Variants in PCDHGB4 observed in about 807,000 individuals in gnomAD.
The protein encoded by PCDHGB4 is protocadherin gamma subfamily B, 4.
PCDHGB4 carries 38 observed loss-of-function variants against 60.5 expected under a neutral mutation model. The ratio of observed to expected loss-of-function variants is 0.63; its 90% CI spans 0.48 to 0.82. PCDHGB4 has a LOEUF of 0.82. PCDHGB4 is among the 40% of genes least tolerant of loss of function. The pLI is 0.00. For missense variants in PCDHGB4, 1,109 were observed against 1,209.6 expected (o/e 0.92, Z 1.23); for synonymous variants, 456 against 509.7 (o/e 0.89, Z 1.42).
chr5:141,423,503 C>T (rs1225012888), intron 1 of PCDHGB4: 2 of 1,613,984 alleles, frequency 1.2e-6, no homozygotes, highest in South Asian at 2.2e-5. Context: ...CACGAGGTCT[C>T]TCTCATTGCG....
rs1275819200 is a variant in PCDHGB4, at chr5:141,491,620, A to G, written c.2398-3187A>G. 5 of 1,613,788 alleles carry G rather than the reference A, an allele frequency of 3.1e-6. No individual in the cohort carries two copies. Among genetic ancestry groups the G allele is most frequent in the Non-Finnish European group, 4.2e-6 (5 of 1,180,014 alleles). On this transcript the variant is annotated intron_variant, in intron 1 of 3. Coordinates refer to ENST00000519479, the MANE Select transcript of PCDHGB4 (RefSeq NM_003736.4). The surrounding 1 kb of genome is among the most constrained non-coding windows in gnomAD (Gnocchi z 6.9). ...TGACTTCACTTTTCTAAGACCCCTC[A>G]GCGTTCAGCAGCCCACAGCTCTGGC...
Position 141,487,810 on chromosome 5 carries a change from C to T in PCDHGB4, c.2398-6997C>T. 7.1e-7 allele frequency: 1 copy of T among 1,417,854 alleles called. No homozygotes were observed. 87.8% of individuals were successfully genotyped at this position (1,417,854 alleles called of 1,614,324 possible). ...ATTAACCAGAGTTGTCACAGTTTAG[C>T]ATTGGGGGCGGGTCATGCCTATATC... is the stretch of plus-strand genomic sequence containing the variant. On this transcript the variant is annotated intron_variant, in intron 1 of 3. Coordinates refer to ENST00000519479, the MANE Select transcript of PCDHGB4 (RefSeq NM_003736.4). This position sits in a 1 kb window ranked among gnomAD's most constrained non-coding sequence, Gnocchi z 5.0.
Position 141,490,220 on chromosome 5 carries a change from A to G in PCDHGB4, c.2398-4587A>G. 6.2e-7 allele frequency: 1 copy of G among 1,614,252 alleles called. No individual in the cohort carries two copies. Among genetic ancestry groups the G allele is most frequent in the Non-Finnish European group, 8.5e-7 (1 of 1,180,044 alleles). On this transcript the variant is annotated intron_variant, in intron 1 of 3. Coordinates refer to ENST00000519479, the MANE Select transcript of PCDHGB4 (RefSeq NM_003736.4). This position sits in a 1 kb window ranked among gnomAD's most constrained non-coding sequence, Gnocchi z 5.4. The stretch of plus-strand genomic sequence containing the variant: ...CATGCAAGAGCCCGTGACCAGGGAC[A>G]GCCTGCCATGGAGGGCCACTGTGTG...
chr5:141,466,822 G>A (rs1396286898), intron 1 of PCDHGB4, among the ~76,000 whole-genome samples: 4 of 152,046 alleles, frequency 2.6e-5, no homozygotes. Flanking sequence ...GGTATAACAA[G>A]TTAGTATGGG....
chr5:141,427,425 AC>A (rs1184817093), intron 1 of PCDHGB4: 2 of 469,034 alleles, frequency 4.3e-6, no homozygotes, highest in Non-Finnish European at 8.5e-6. Flanking sequence ...TGGGGAGGTT[AC>A]ATGCCTCATA....
At chr5:141,428,001 T>G (rs149531447) in intron 1 of PCDHGB4, 10 of 1,601,704 alleles carry the variant, frequency 6.2e-6, no homozygotes, top group Non-Finnish European at 8.5e-6. Flanking sequence ...CTCCGCACTC[T>G]TCGATATAGT....
At chr5:141,450,147 C>T (rs1322871298) in intron 1 of PCDHGB4, among the ~76,000 whole-genome samples, 2 of 151,774 alleles carry the variant, frequency 1.3e-5, no homozygotes, top group African/African-American at 4.8e-5. Context: ...GCTGGGACTA[C>T]AGGCATGTGC....
intron 3 of PCDHGB4, 89 bp downstream of exon 3, chr5:141,505,570 C>G: frequency 6.3e-7 from 1 of 1,598,162 alleles, no homozygotes; most frequent in Admixed American, 1.7e-5. Context: ...GACTGGATGT[C>G]AAACCTGTGT....
chr5:141,394,980 C>T, intron 1 of PCDHGB4: 2 of 1,614,012 alleles, frequency 1.2e-6, no homozygotes, highest in Non-Finnish European at 1.7e-6. Flanking sequence ...GCACAAGTCA[C>T]GCCTGCTCCA....
chr5:141,489,470 T>C lies in PCDHGB4; in HGVS notation c.2398-5337T>C, dbSNP rs1030378524. 1 of 1,613,874 alleles carries C rather than the reference T, an allele frequency of 6.2e-7. No homozygotes were observed. The highest frequency in any genetic ancestry group is 8.5e-7 in the Non-Finnish European group (1 of 1,179,838). ...GAGGAGAATGGGCGCTATTTTTCCCTGAGCTTGATGAGTGGTGCCCTGGCA... is the reference window on the plus strand; with the variant it reads ...GAGGAGAATGGGCGCTATTTTTCCCCGAGCTTGATGAGTGGTGCCCTGGCA... On this transcript the variant is annotated intron_variant, in intron 1 of 3. Transcript: ENST00000519479. This position sits in a 1 kb window ranked among gnomAD's most constrained non-coding sequence, Gnocchi z 4.5.
chr5:141,449,165 G>A (rs144669334), intron 1 of PCDHGB4, among the ~76,000 whole-genome samples: 3 of 152,234 alleles, frequency 2.0e-5, no homozygotes, highest in Admixed American at 1.3e-4. Context: ...GGAAATAGGT[G>A]TAATTTTCTT....
intron 3 of PCDHGB4, 77 bp downstream of exon 3, chr5:141,505,558 C>T (rs945428797): frequency 3.7e-6 from 6 of 1,605,016 alleles, no homozygotes; most frequent in African/African-American, 1.3e-5. Context: ...ACCATGCCCA[C>T]GGACTGGATG....
chr5:141,486,578 C>A lies in PCDHGB4; in HGVS notation c.2398-8229C>A, dbSNP rs780578882. 5 of 1,613,610 alleles carry A rather than the reference C, an allele frequency of 3.1e-6. No homozygotes were observed. In the Admixed American group the frequency reaches 6.7e-5, roughly 22 times the overall value. On this transcript the variant is annotated intron_variant, in intron 1 of 3. Coordinates refer to ENST00000519479, the MANE Select transcript of PCDHGB4 (RefSeq NM_003736.4). The surrounding 1 kb of genome is among the most constrained non-coding windows in gnomAD (Gnocchi z 5.0). Reference sequence around the variant, plus strand: ...TGAGGTGTTTGTTCCTGAGAACAATCGCCCAGGGGACCTGCTTTGCTCCCT... The same window carrying A: ...TGAGGTGTTTGTTCCTGAGAACAATAGCCCAGGGGACCTGCTTTGCTCCCT...
chr5:141,494,914 A>G (rs906245656), intron 2 of PCDHGB4, 49 bp downstream of exon 2: 5 of 1,613,708 alleles, frequency 3.1e-6, no homozygotes, highest in Admixed American at 1.7e-5. Context: ...GCATTTTCTC[A>G]GGGATGACGT....
intron 1 of PCDHGB4, chr5:141,478,217 G>A: frequency 2.5e-6 from 4 of 1,614,094 alleles, no homozygotes. Flanking sequence ...TCTAATCCTG[G>A]TTTCTGTGGG....
intron 2 of PCDHGB4, 117 bp downstream of exon 2, chr5:141,494,982 G>C: frequency 6.4e-7 from 1 of 1,563,940 alleles, no homozygotes; most frequent in Non-Finnish European, 8.7e-7. Context: ...CTCAGTTTGA[G>C]ATCCCAGGGA....
At chr5:141,428,114 C>CG in intron 1 of PCDHGB4, 2 of 1,607,202 alleles carry the variant, frequency 1.2e-6, no homozygotes, top group Non-Finnish European at 1.7e-6. Flanking sequence ...TGCAGGCCAT[C>CG]GAGCCCGGGC....
intron 1 of PCDHGB4, among the ~76,000 whole-genome samples, chr5:141,460,801 ATATGTATG>A (rs2098998171): frequency 6.6e-6 from 1 of 152,010 alleles, no homozygotes; most frequent in Non-Finnish European, 1.5e-5. Context: ...CAAAGTATAT[ATATGTATG>A]TATACATATA....
Position 141,389,725 on chromosome 5 carries a change from TC to T in PCDHGB4, c.1842del (p.Phe615SerfsTer16), listed in dbSNP as rs756659208. On this transcript the variant is annotated frameshift_variant, in exon 1 of 4. Coordinates refer to ENST00000519479, the MANE Select transcript of PCDHGB4 (RefSeq NM_003736.4). LOFTEE classifies it high-confidence loss of function. ...GTGCTGCAGGCTAGCGAGCCCGGGC[TC>T]TTCAGCCTGGGGCTGCGCACGGGCG... Reference protein sequence around the residue: ...YHVLQASEPGLFSLGLRTGEV... With the variant: ...YHVLQASEPGXFSLGLRTGEV... The T allele has an allele frequency of 1.2e-6, 2 of 1,612,726 alleles. No individual in the cohort carries two copies. Among genetic ancestry groups the T allele is most frequent in the East Asian group, 4.5e-5 (2 of 44,860 alleles).
Sources: allele counts gnomAD v4.1 joint callset (sites outside exome capture counted in the v4.1 genomes callset), GRCh38; gene constraint gnomAD v4.1.1; non-coding constraint Gnocchi (gnomAD v3.1); transcripts MANE v1.5; gene names NCBI Gene and HGNC (gene_info 2026-07-23, HGNC 2026-07-21).